Variants in VASP observed in about 807,000 individuals in gnomAD.
VASP encodes the protein vasodilator stimulated phosphoprotein, also known as vasodilator-stimulated phosphoprotein.
A neutral mutation model predicts 54.4 loss-of-function variants in VASP; 27 were observed. The ratio of observed to expected loss-of-function variants is 0.50; its 90% CI spans 0.37 to 0.68. The LOEUF is 0.68. Among genes scored for constraint, VASP ranks in the 30% least tolerant of loss-of-function variants. The pLI is 0.00. For synonymous variants in VASP, 233 were observed against 209.8 expected (o/e 1.11, Z -0.96); for missense variants, 488 against 528.3 (o/e 0.92, Z 0.75).
chr19:45,523,238 T>A (rs535474568), intron 7 of VASP, among the ~76,000 whole-genome samples: 2 of 138,434 alleles, frequency 1.4e-5, no homozygotes, highest in East Asian at 4.7e-4. Flanking sequence ...AGTCTTGCTC[T>A]GTCACCCAGG....
rs1555727397 is a variant in VASP at position 45,509,530 on chromosome 19, C to CCACCACCACCACCAG, written c.5+1762_5+1763insCCACCAGCACCACCA. 2.9e-4 allele frequency among the ~76,000 whole-genome samples: 44 copies of CCACCACCACCACCAG among 151,308 alleles called. 1 individual carries two copies. The highest frequency in any genetic ancestry group is 3.4e-3 in the Middle Eastern group (1 of 294). Reference sequence around the variant, plus strand: ...CCCCCTGTCCTCCCCACCACCACCACCACCACCAGCACCAGCCCTGGAAGC... The same window carrying CCACCACCACCACCAG: ...CCCCCTGTCCTCCCCACCACCACCACCACCACCACCACCAGCACCACCAGCACCAGCCCTGGAAGC... On this transcript the variant is annotated intron_variant, in intron 1 of 12. Transcript: ENST00000245932.
rs201639645 is a variant in VASP, at chr19:45,517,631, C to T, written c.6-32C>T. On this transcript the variant is annotated intron_variant, in intron 1 of 12. Coordinates refer to ENST00000245932, the MANE Select transcript of VASP (RefSeq NM_003370.4). Reference sequence around the variant, plus strand: ...AGGAGAGACCCAGATAAGAAGGTGACCGGCCCCTCTCCCTTTTCCTCCCGC... The same window carrying T: ...AGGAGAGACCCAGATAAGAAGGTGATCGGCCCCTCTCCCTTTTCCTCCCGC... 51 of 1,593,130 alleles carry T rather than the reference C, an allele frequency of 3.2e-5. No homozygotes were observed. The African/African-American group carries it at 6.5e-4, about 20-fold the overall frequency.
chr19:45,518,061 G>A lies in VASP; in HGVS notation c.310G>A (p.Ala104Thr), dbSNP rs10415373. Residue 104 changes from alanine (A) to threonine (T), a missense_variant, in exon 3 of 13, where the codon GCC (alanine) becomes ACC (threonine). This residue lies in a region of VASP where 127 missense variants were observed against 170.7 expected (regional missense o/e 0.74). Coordinates refer to ENST00000245932, the MANE Select transcript of VASP (RefSeq NM_003370.4). Reference sequence around the variant, plus strand: ...CAAGGAGGATGCGGCCCAGTTTGCCGCCGGCATGGCCAGTGCCCTAGAGGC... The same window carrying A: ...CAAGGAGGATGCGGCCCAGTTTGCCACCGGCATGGCCAGTGCCCTAGAGGC... ...GSKEDAAQFAAGMASALEALE... is the reference protein window; with the variant it reads ...GSKEDAAQFATGMASALEALE... The A allele has an allele frequency of 2.2e-3, 3,558 of 1,613,748 alleles. 63 individuals carry two copies. The African/African-American group carries it at 0.04, about 18-fold the overall frequency.
In VASP at chr19:45,524,475, A is replaced by T. The variant is rs141992228; in HGVS notation, c.957-95A>T. ...AAATACTTGGACTTGCCCAATTTATAAGGCAGAGCTCAATGTGACCCCTGG... is the reference window on the plus strand; with the variant it reads ...AAATACTTGGACTTGCCCAATTTATTAGGCAGAGCTCAATGTGACCCCTGG... On this transcript the variant is annotated intron_variant, in intron 10 of 12. Coordinates refer to ENST00000245932, the MANE Select transcript of VASP (RefSeq NM_003370.4). 1,072 of 1,283,148 alleles carry T rather than the reference A, an allele frequency of 8.4e-4. 6 individuals are homozygous for T. The African/African-American group carries it at 0.013, about 16-fold the overall frequency. The allele number at this position is 1,283,148 out of a possible 1,614,324, so 79.5% of individuals were successfully genotyped here. A position where few individuals can be genotyped will look rare whatever the true frequency, so the allele number is the denominator to read the frequency against.
intron 1 of VASP, among the ~76,000 whole-genome samples, chr19:45,510,580 G>C (rs927950224): frequency 2.6e-5 from 4 of 152,012 alleles, no homozygotes; most frequent in African/African-American, 4.8e-5. Context: ...TCCCCACCCC[G>C]GTACTCAGTT....
intron 4 of VASP, 89 bp downstream of exon 4, chr19:45,521,495 C>CAGAA: frequency 8.3e-7 from 1 of 1,210,446 alleles, no homozygotes; most frequent in Non-Finnish European, 1.1e-6. Context: ...CAGAACCCAG[C>CAGAA]CAACTTGCAG....
At chr19:45,513,280 G>C (rs1462426307) in intron 1 of VASP, among the ~76,000 whole-genome samples, 1 of 149,962 alleles carries the variant, frequency 6.7e-6, no homozygotes, top group Non-Finnish European at 1.5e-5. Context: ...GTCTTGCTCT[G>C]TTGCCCAGGC....
chr19:45,509,791 G>A (rs1968565801), intron 1 of VASP, among the ~76,000 whole-genome samples: 1 of 152,226 alleles, frequency 6.6e-6, no homozygotes, highest in Non-Finnish European at 1.5e-5. Flanking sequence ...CCCAGCTGGG[G>A]AAACTGAGGC....
rs1189443233 is a variant in VASP, at chr19:45,521,304, TTCTC to T, written c.344-13_344-10del. 5.1e-6 allele frequency: 8 copies of T among 1,562,482 alleles called. 1 individual carries two copies. Among genetic ancestry groups the T allele is most frequent in the South Asian group, 2.4e-5 (2 of 84,960 alleles). ...AGTTCTGGGACTGATCCATGGCCCT[TTCTC>T]TCTCACCTTTCAGGAGGTGGGCCCC... On this transcript the variant is annotated splice_polypyrimidine_tract_variant and intron_variant, in intron 3 of 12. Coordinates refer to ENST00000245932, the MANE Select transcript of VASP (RefSeq NM_003370.4).
chr19:45,517,827 A>C lies in VASP; in HGVS notation c.170A>C (p.Asp57Ala). The C allele has an allele frequency of 6.2e-7, 1 of 1,613,120 alleles. No homozygotes were observed. Among genetic ancestry groups the C allele is most frequent in the South Asian group, 1.1e-5 (1 of 91,036 alleles). ...FRVVGRKMQP[D>A]QQVVINCAIV... ...GTCGTGGGCCGGAAGATGCAGCCCG[A>C]CCAGCAGGTGCAGCTTCCCGCCGGC... is the stretch of plus-strand genomic sequence containing the variant. Residue 57 changes from aspartate to alanine, a missense_variant, in exon 2 of 13, where the codon GAC becomes GCC. Transcript: ENST00000245932.
At chr19:45,509,378 G>A (rs1467027634) in intron 1 of VASP, among the ~76,000 whole-genome samples, 1 of 145,342 alleles carries the variant, frequency 6.9e-6, no homozygotes, top group Non-Finnish European at 1.5e-5. Context: ...TTGCCCCCCA[G>A]CCCCGCCCCT....
At chr19:45,521,487 G>A (rs1489404654) in intron 4 of VASP, 81 bp downstream of exon 4, 1 of 1,280,300 alleles carries the variant, frequency 7.8e-7, no homozygotes. Context: ...CTAGAGTTCA[G>A]AACCCAGCCA....
rs57222956 is a variant in VASP at position 45,519,922 on chromosome 19, T to TTTTTTTTTTTA, written c.344-1400_344-1399insTTTTTTTTTTA. 1.2e-4 allele frequency among the ~76,000 whole-genome samples: 12 copies of TTTTTTTTTTTA among 102,326 alleles called. 2 individuals are homozygous for TTTTTTTTTTTA. Among genetic ancestry groups the TTTTTTTTTTTA allele is most frequent in the African/African-American group, 3.3e-4 (8 of 24,010 alleles). 67.1% of individuals were successfully genotyped at this position (102,326 alleles called of 152,430 possible). A position where few individuals can be genotyped will look rare whatever the true frequency, so the allele number is the denominator to read the frequency against. ...TTTTTTTTTTTTTTTTTTTTTTTTT[T>TTTTTTTTTTTA]AATATGGAGTCTCACTCTGTCTCTC... is the stretch of plus-strand genomic sequence containing the variant. On this transcript the variant is annotated intron_variant, in intron 3 of 12. Coordinates refer to ENST00000245932, the MANE Select transcript of VASP (RefSeq NM_003370.4).
intron 1 of VASP, among the ~76,000 whole-genome samples, chr19:45,513,922 C>T (rs757694787): frequency 3.3e-5 from 5 of 152,150 alleles, no homozygotes; most frequent in African/African-American, 4.8e-5. Flanking sequence ...ATGTGTTGGA[C>T]GCCATTCTAG....
Position 45,522,154 on chromosome 19 carries a change from G to A in VASP, c.429-14G>A, listed in dbSNP as rs746888554. On this transcript the variant is annotated splice_polypyrimidine_tract_variant and intron_variant, in intron 4 of 12. Transcript: ENST00000245932. ...GGCCCTGATTGACGGCAGCTCTCTC[G>A]CCTCCCCCCACAGGCAGCAGCCCGG... is the stretch of plus-strand genomic sequence containing the variant. 10 of 1,613,312 alleles carry A rather than the reference G, an allele frequency of 6.2e-6. No homozygotes were observed. In the African/African-American group the frequency reaches 6.7e-5, roughly 11 times the overall value.
At chr19:45,524,423 C>CAAAAAAA in intron 10 of VASP, 147 bp from the exon 11 acceptor site, 2 of 658,784 alleles carry the variant, frequency 3.0e-6, no homozygotes, top group Non-Finnish European at 5.1e-6. Flanking sequence ...AAACCAAAAC[C>CAAAAAAA]AAAAAAAAAA....
intron 1 of VASP, among the ~76,000 whole-genome samples, chr19:45,508,935 C>T (rs1315994361): frequency 1.3e-5 from 2 of 152,186 alleles, no homozygotes; most frequent in African/African-American, 2.4e-5. Flanking sequence ...ATTCTTCCCT[C>T]CCCTGGCCCC....
At chr19:45,509,785 G>C (rs1484926214) in intron 1 of VASP, among the ~76,000 whole-genome samples, 2 of 152,180 alleles carry the variant, frequency 1.3e-5, no homozygotes, top group Non-Finnish European at 1.5e-5. Flanking sequence ...CTATTACCCA[G>C]CTGGGGAAAC....
rs71173173 is a variant in VASP at position 45,513,468 on chromosome 19, C to CTTTTTTTTTTTTTTTTTTTTTTTTTTTT, written c.6-4174_6-4173insTTTTTTTTTTTTTTTTTTTTTTTTTTTT. Among the ~76,000 whole-genome samples the CTTTTTTTTTTTTTTTTTTTTTTTTTTTT allele has an allele frequency of 6.5e-5, 6 of 92,786 alleles. No homozygotes were observed. The East Asian group carries it at 9.7e-4, about 15-fold the overall frequency. The allele number at this position is 92,786 out of a possible 152,430, so 60.9% of individuals were successfully genotyped here. On this transcript the variant is annotated intron_variant, in intron 1 of 12. Transcript: ENST00000245932. Reference sequence around the variant, plus strand: ...CATCTTGCCCAAGCTAGTCTCTCTCCTTTTTTTTTTTTTTTTTTTTTGAGA... The same window carrying CTTTTTTTTTTTTTTTTTTTTTTTTTTTT: ...CATCTTGCCCAAGCTAGTCTCTCTCCTTTTTTTTTTTTTTTTTTTTTTTTTTTTTTTTTTTTTTTTTTTTTTTTTGAGA...
Sources: gnomAD v4.1 joint callset for allele counts (sites outside exome capture counted in the v4.1 genomes callset) on GRCh38, gnomAD v4.1.1 for gene constraint, gnomAD v4.1.1 regional missense constraint, MANE v1.5 for transcripts, NCBI Gene and HGNC (gene_info 2026-07-23, HGNC 2026-07-21) for gene names.